Variants in TUG1 observed in about 807,000 individuals in gnomAD.
TUG1 encodes taurine upregulated gene 1.
At chr22:30,971,540 G>C (rs534739046) in exon 1 of TUG1, 1 of 152,800 alleles carries the variant, frequency 6.5e-6, no homozygotes, top group South Asian at 2.1e-4. Context: ...ATGGACTCCA[G>C]ATTTCCAGAT....
At chr22:30,969,965 T>G (rs1262132015) in exon 1 of TUG1, 2 of 152,210 alleles carry the variant, frequency 1.3e-5, no homozygotes, top group African/African-American at 4.8e-5. Flanking sequence ...CTCAGTTTCC[T>G]CCTCTGCCTA....
intron 2 of TUG1, chr22:30,974,061 T>G (rs974553259): frequency 6.6e-6 from 1 of 152,212 alleles, no homozygotes; most frequent in African/African-American, 2.4e-5. Context: ...AAAGCTACTT[T>G]TAGATTTTTT....
exon 3 of TUG1, chr22:30,975,511 A>G (rs187110108): frequency 2.6e-5 from 4 of 152,322 alleles, no homozygotes; most frequent in Admixed American, 2.6e-4. Context: ...ATTCTTAGAA[A>G]TACTGTGTGT....
chr22:30,970,018 G>T (rs978911902), exon 1 of TUG1: 1 of 152,200 alleles, frequency 6.6e-6, no homozygotes, highest in African/African-American at 2.4e-5. Context: ...ACTATAAAGC[G>T]TGGGTGTACG....
chr22:30,975,387 T>TC (rs905121395), exon 3 of TUG1: 1 of 152,270 alleles, frequency 6.6e-6, no homozygotes, highest in African/African-American at 2.4e-5. Context: ...CTTGAACTCT[T>TC]CCGAACACAG....
rs184427089 is a variant in TUG1, at chr22:30,976,924, T to C, written c.*4449T>C. 8 of 152,348 alleles carry C rather than the reference T, an allele frequency of 5.3e-5. No homozygotes were observed. In the East Asian group the frequency reaches 1.3e-3, roughly 26 times the overall value. 9.4% of individuals were successfully genotyped at this position (152,348 alleles called of 1,614,324 possible). A position where few individuals can be genotyped will look rare whatever the true frequency, so the allele number is the denominator to read the frequency against. On this transcript the variant is annotated 3_prime_UTR_variant, in exon 3 of 3. Transcript: ENST00000644773. Reference sequence around the variant, plus strand: ...CTCGCCCTCAACAAATAAAATCTGGTTGACTAGCCTCCTTGTATATACAAC... The same window carrying C: ...CTCGCCCTCAACAAATAAAATCTGGCTGACTAGCCTCCTTGTATATACAAC...
exon 3 of TUG1, chr22:30,977,505 G>T (rs1480874938): frequency 1.3e-5 from 2 of 152,212 alleles, no homozygotes. Flanking sequence ...ACTGAAAGCT[G>T]ATGTACCTGA....
chr22:30,977,910 G>C (rs1398413157), exon 3 of TUG1: 1 of 152,164 alleles, frequency 6.6e-6, no homozygotes, highest in Non-Finnish European at 1.5e-5. Flanking sequence ...TAAGTGCAGA[G>C]TAGGCCTCTA....
chr22:30,974,426 A>T (rs915147238), intron 2 of TUG1: 1 of 152,136 alleles, frequency 6.6e-6, no homozygotes, highest in Non-Finnish European at 1.5e-5. Context: ...AATCAAACAC[A>T]GAAGGATATT....
At chr22:30,976,852 A>G (rs2041293662) in exon 3 of TUG1, 2 of 152,136 alleles carry the variant, frequency 1.3e-5, no homozygotes, top group South Asian at 4.1e-4. Flanking sequence ...ACATGACTCG[A>G]CTCTACATCT....
At chr22:30,977,555 C>T (rs527414209) in exon 3 of TUG1, 1 of 152,098 alleles carries the variant, frequency 6.6e-6, no homozygotes, top group Non-Finnish European at 1.5e-5. Context: ...CAGAATAAGC[C>T]CTATGGATTA....
chr22:30,978,201 A>C (rs561083320), exon 3 of TUG1: 1 of 152,314 alleles, frequency 6.6e-6, no homozygotes, highest in East Asian at 1.9e-4. Flanking sequence ...GGGCTCTCAG[A>C]CTCATGACCA....
At chr22:30,970,158 A>T (rs2041211550) in exon 1 of TUG1, 1 of 151,982 alleles carries the variant, frequency 6.6e-6, no homozygotes, top group Admixed American at 6.6e-5. Flanking sequence ...AAATTGTGGG[A>T]ATGTGCGGTT....
chr22:30,977,222 T>C (rs555999614), exon 3 of TUG1: 1 of 152,324 alleles, frequency 6.6e-6, no homozygotes, highest in East Asian at 1.9e-4. Context: ...ACTGTCTCCA[T>C]GTCTCCATGC....
At chr22:30,976,655 A>G (rs2041290834) in exon 3 of TUG1, 2 of 152,224 alleles carry the variant, frequency 1.3e-5, no homozygotes, top group African/African-American at 4.8e-5. Context: ...GGAAGGATTC[A>G]GTTTATGAAC....
At chr22:30,970,887 G>A (rs1030254666) in exon 1 of TUG1, 16 of 152,116 alleles carry the variant, frequency 1.1e-4, no homozygotes, top group Admixed American at 7.2e-4. Flanking sequence ...GAACTACTGC[G>A]GAACCTCAAA....
At chr22:30,971,600 G>A (rs967140465) in exon 1 of TUG1, 2 of 152,758 alleles carry the variant, frequency 1.3e-5, no homozygotes, top group African/African-American at 4.8e-5. Context: ...GATGCGGCAG[G>A]AACACTGGAG....
chr22:30,973,969 G>A (rs2041257914), intron 2 of TUG1: 1 of 152,176 alleles, frequency 6.6e-6, no homozygotes, highest in African/African-American at 2.4e-5. Flanking sequence ...CACGGTTTAA[G>A]GGCATAATAT....
exon 3 of TUG1, chr22:30,979,316 T>C (rs1401055425): frequency 2.6e-5 from 4 of 151,028 alleles, no homozygotes; most frequent in South Asian, 2.1e-4. Context: ...CTTTCAACTT[T>C]ATACATTTCT....
Sources: gnomAD v4.1 joint callset for allele counts on GRCh38, gnomAD v4.1.1 for gene constraint, MANE v1.5 for transcripts, NCBI Gene and HGNC (gene_info 2026-07-23, HGNC 2026-07-21) for gene names.